Variants in SLC18B1 observed in about 807,000 individuals in gnomAD.
SLC18B1 encodes the protein solute carrier family 18 member B1.
Under a neutral mutation model 53.9 loss-of-function variants are expected in SLC18B1, and 62 were observed. The ratio of observed to expected loss-of-function variants is 1.15; its 90% CI spans 0.94 to 1.42. The LOEUF is 1.42. Ranked by LOEUF, SLC18B1 falls within the 40% of genes most tolerant of loss-of-function variation. The pLI, the probability that SLC18B1 is intolerant of heterozygous loss-of-function variation, is 0.00. For missense variants in SLC18B1, 598 were observed against 547.3 expected (o/e 1.09, Z -0.93); for synonymous variants, 217 against 200.9 (o/e 1.08, Z -0.68).
intron 2 of SLC18B1, among the ~76,000 whole-genome samples, chr6:132,792,261 A>AGAGAGAGAG (rs1562271322): frequency 4.9e-5 from 2 of 40,414 alleles, no homozygotes; most frequent in African/African-American, 1.8e-4. Context: ...GAAAGAAAGA[A>AGAGAGAGAG]AGAAAGAAAG....
intron 6 of SLC18B1, 126 bp from the exon 7 acceptor site, chr6:132,779,530 G>A: frequency 1.5e-5 from 15 of 1,028,350 alleles, no homozygotes; most frequent in Non-Finnish European, 2.1e-5. Context: ...CTCTGAGTTT[G>A]CCTAAAATTG....
chr6:132,784,821 T>A (rs980463249), intron 5 of SLC18B1, among the ~76,000 whole-genome samples: 10 of 152,144 alleles, frequency 6.6e-5, no homozygotes, highest in Non-Finnish European at 1.5e-5. Flanking sequence ...AATCTAAATA[T>A]TCATCAACGA....
intron 6 of SLC18B1, among the ~76,000 whole-genome samples, chr6:132,780,257 C>T (rs1781199843): frequency 6.6e-6 from 1 of 151,998 alleles, no homozygotes; most frequent in Non-Finnish European, 1.5e-5. Context: ...TGCACTACCT[C>T]ACCTAGCTAA....
chr6:132,790,972 A>T (rs1445921822), intron 2 of SLC18B1, among the ~76,000 whole-genome samples: 1 of 152,216 alleles, frequency 6.6e-6, no homozygotes, highest in Admixed American at 6.5e-5. Flanking sequence ...ATTTATCATA[A>T]ATCTACTTCT....
chr6:132,794,029 T>C (rs1234893817), intron 2 of SLC18B1, among the ~76,000 whole-genome samples: 1 of 152,186 alleles, frequency 6.6e-6, no homozygotes, highest in Non-Finnish European at 1.5e-5. Flanking sequence ...AGCTAGGAAA[T>C]GCCCTTCTCA....
At position 132,784,069 on chromosome 6, in the gene SLC18B1, A is replaced by G. The variant is rs1361220581; in HGVS notation, c.522T>C (p.Ser174=). Residue 174 remains serine, a synonymous_variant, in exon 6 of 14, where the codon TCT becomes TCC. Transcript: ENST00000275227. The stretch of plus-strand genomic sequence containing the variant: ...GAGGACCTAGTATTAGCCCCAGTCC[A>G]GAAAAAGTCTCAAGACTTCCCTTAA... ...ATVLGSLETF[S]GLGLILGPPV... The G allele has an allele frequency of 6.4e-7, 1 of 1,570,956 alleles. No homozygotes were observed. The highest frequency in any genetic ancestry group is 8.6e-7 in the Non-Finnish European group (1 of 1,164,704).
intron 1 of SLC18B1, among the ~76,000 whole-genome samples, chr6:132,797,423 C>T (rs1781723059): frequency 1.3e-5 from 2 of 152,108 alleles, no homozygotes; most frequent in Non-Finnish European, 1.5e-5. Flanking sequence ...CACGGTGAAA[C>T]CCCGTCTCTA....
intron 2 of SLC18B1, 87 bp downstream of exon 2, chr6:132,796,895 T>A: frequency 7.2e-7 from 1 of 1,391,244 alleles, no homozygotes; most frequent in Non-Finnish European, 9.6e-7. Flanking sequence ...TTACATTTTA[T>A]ATACTATAAA....
intron 2 of SLC18B1, among the ~76,000 whole-genome samples, chr6:132,791,421 C>G (rs1333099471): frequency 2.0e-5 from 3 of 152,216 alleles, no homozygotes; most frequent in African/African-American, 7.2e-5. Context: ...AAAATTTTCT[C>G]CATCCCTTCC....
At chr6:132,782,496 G>A (rs1215215179) in intron 6 of SLC18B1, among the ~76,000 whole-genome samples, 1 of 151,696 alleles carries the variant, frequency 6.6e-6, no homozygotes, top group East Asian at 1.9e-4. Flanking sequence ...TAGATCTCCT[G>A]AACTTACTGG....
chr6:132,770,364 C>T (rs766799344), intron 13 of SLC18B1, 28 bp from the exon 14 acceptor site: 1 of 1,534,268 alleles, frequency 6.5e-7, no homozygotes, highest in Admixed American at 1.7e-5. Flanking sequence ...AGAGATGAAT[C>T]TCAATATTTC....
chr6:132,778,780 T>A (rs535594375), intron 7 of SLC18B1, among the ~76,000 whole-genome samples: 1 of 152,362 alleles, frequency 6.6e-6, no homozygotes, highest in East Asian at 1.9e-4. Flanking sequence ...TTTTATTTTT[T>A]AATGCTAAGG....
rs1308852261 is a variant in SLC18B1 at position 132,779,410 on chromosome 6, G to C, written c.659-6C>G. 2 of 1,558,370 alleles carry C rather than the reference G, an allele frequency of 1.3e-6. No homozygotes were observed. The highest frequency in any genetic ancestry group is 3.9e-5 in the Admixed American group (2 of 50,936). On this transcript the variant is annotated splice_region_variant and splice_polypyrimidine_tract_variant and intron_variant, in intron 6 of 13. Coordinates refer to ENST00000275227, the MANE Select transcript of SLC18B1 (RefSeq NM_052831.3). ...GTGTTCACCTGGATCAGACTCTTTA[G>C]GGAAAAAATGAAAAAAGAAAAAAAA...
chr6:132,784,559 T>C (rs1436759068), intron 5 of SLC18B1, among the ~76,000 whole-genome samples: 1 of 152,178 alleles, frequency 6.6e-6, no homozygotes, highest in African/African-American at 2.4e-5. Context: ...CCTCACTTTT[T>C]AAAAGAAATG....
chr6:132,780,561 GTTAGT>G (rs1384484983), intron 6 of SLC18B1, among the ~76,000 whole-genome samples: 3 of 122,162 alleles, frequency 2.5e-5, no homozygotes, highest in Non-Finnish European at 3.4e-5. Flanking sequence ...AAACCGTGGT[GTTAGT>G]TTTTTTTTTT....
chr6:132,789,291 G>A (rs7761207), intron 4 of SLC18B1, among the ~76,000 whole-genome samples: 25,823 of 152,198 alleles, frequency 0.17, 4,794 homozygotes, highest in African/African-American at 0.47. Flanking sequence ...ACTCTAATAG[G>A]AACTATTAGG....
At chr6:132,780,472 A>G (rs1781206061) in intron 6 of SLC18B1, among the ~76,000 whole-genome samples, 1 of 152,144 alleles carries the variant, frequency 6.6e-6, no homozygotes, top group South Asian at 2.1e-4. Context: ...ATCATGACCA[A>G]ATATAAACAT....
At chr6:132,781,028 T>C (rs1374839235) in intron 6 of SLC18B1, among the ~76,000 whole-genome samples, 4 of 152,146 alleles carry the variant, frequency 2.6e-5, no homozygotes, top group African/African-American at 4.8e-5. Flanking sequence ...GTTGGTATGA[T>C]TTTTGAATTG....
At chr6:132,786,129 G>A (rs12197430) in intron 5 of SLC18B1, among the ~76,000 whole-genome samples, 6,740 of 152,088 alleles carry the variant, frequency 0.044, 207 homozygotes, top group Middle Eastern at 0.055. Context: ...ATCAACAGAC[G>A]GGTGTTCTTC....
Sources: gnomAD v4.1 joint callset for allele counts (sites outside exome capture counted in the v4.1 genomes callset) on GRCh38, gnomAD v4.1.1 for gene constraint, MANE v1.5 for transcripts, NCBI Gene and HGNC (gene_info 2026-07-23, HGNC 2026-07-21) for gene names.